Variants in RPSA2 observed in about 807,000 individuals in gnomAD.
RPSA2 encodes ribosomal protein SA 2, also known as small ribosomal subunit protein uS2B.
the RPSA2 span, among the ~76,000 whole-genome samples, chr19:23,810,421 GGGAAAA>G: frequency 0.015 from 40 of 2,680 alleles, 10 homozygotes; most frequent in South Asian, 0.056. Flanking sequence ...AAAAAAAAAA[GGGAAAA>G]GGGCTTGGAT....
the RPSA2 span, among the ~76,000 whole-genome samples, chr19:23,782,659 C>T: frequency 6.6e-6 from 1 of 152,100 alleles, no homozygotes; most frequent in Non-Finnish European, 1.5e-5. Flanking sequence ...GTTTGGGCCT[C>T]CCACCTAGAT....
At chr19:23,852,708 T>C in the RPSA2 span, among the ~76,000 whole-genome samples, 2 of 152,238 alleles carry the variant, frequency 1.3e-5, no homozygotes, top group East Asian at 3.9e-4. Context: ...ATGGACATGT[T>C]ATATTGCTGC....
chr19:23,796,254 A>G, the RPSA2 span, among the ~76,000 whole-genome samples: 149,005 of 152,336 alleles, frequency 0.98, 72,967 homozygotes, highest in Middle Eastern at 1. Context: ...TGTTTATGTG[A>G]TGAATCACAT....
the RPSA2 span, among the ~76,000 whole-genome samples, chr19:23,851,918 T>A: frequency 6.6e-6 from 1 of 152,226 alleles, no homozygotes; most frequent in Non-Finnish European, 1.5e-5. Context: ...GCCTGAACTT[T>A]GAGCCGATTT....
At chr19:23,784,038 T>C in the RPSA2 span, among the ~76,000 whole-genome samples, 148,950 of 152,282 alleles carry the variant, frequency 0.98, 72,939 homozygotes, top group Middle Eastern at 1. Context: ...GACTCTTGTG[T>C]TTGTTCTCTA....
At chr19:23,861,075 AC>A in the RPSA2 span, among the ~76,000 whole-genome samples, 1 of 152,206 alleles carries the variant, frequency 6.6e-6, no homozygotes, top group Non-Finnish European at 1.5e-5. Context: ...TTGATCTTGG[AC>A]AAATTTTTAG....
the RPSA2 span, among the ~76,000 whole-genome samples, chr19:23,855,958 G>GTC: frequency 6.6e-6 from 1 of 152,146 alleles, no homozygotes; most frequent in Non-Finnish European, 1.5e-5. Context: ...TGTCAGGGCC[G>GTC]TGAGAGCCAC....
chr19:23,844,509 GT>G, the RPSA2 span, among the ~76,000 whole-genome samples: 1 of 152,072 alleles, frequency 6.6e-6, no homozygotes, highest in Non-Finnish European at 1.5e-5. Flanking sequence ...GCTTAGTAAT[GT>G]TATTGGTCCA....
chr19:23,775,916 C>T, the RPSA2 span, among the ~76,000 whole-genome samples: 3 of 152,290 alleles, frequency 2.0e-5, no homozygotes, highest in East Asian at 5.8e-4. Context: ...CTGGTCTTTC[C>T]TGCAGGTGTG....
chr19:23,866,345 C>T, the RPSA2 span, among the ~76,000 whole-genome samples: 1 of 152,230 alleles, frequency 6.6e-6, no homozygotes, highest in Non-Finnish European at 1.5e-5. Context: ...AATGCAAATG[C>T]AGATTGCAAG....
chr19:23,761,936 G>C, the RPSA2 span, among the ~76,000 whole-genome samples: 20 of 4,300 alleles, frequency 4.7e-3, 1 homozygote, highest in African/African-American at 0.012. Context: ...TTTTTTTTTT[G>C]AGATGGAGTC....
the RPSA2 span, chr19:23,817,538 T>C: frequency 6.6e-6 from 1 of 152,232 alleles, no homozygotes; most frequent in Non-Finnish European, 1.5e-5. Flanking sequence ...TTACATTTAA[T>C]ATAGACTTTT....
At chr19:23,840,683 C>T in the RPSA2 span, among the ~76,000 whole-genome samples, 1 of 152,076 alleles carries the variant, frequency 6.6e-6, no homozygotes, top group Non-Finnish European at 1.5e-5. Flanking sequence ...ATGCGCTGGG[C>T]ACGGTGGCTG....
the RPSA2 span, among the ~76,000 whole-genome samples, chr19:23,769,654 T>C: frequency 6.6e-6 from 1 of 152,136 alleles, no homozygotes; most frequent in African/African-American, 2.4e-5. Context: ...GATGTGTCTC[T>C]TTTGTTTGGA....
the RPSA2 span, among the ~76,000 whole-genome samples, chr19:23,855,817 G>T: frequency 2.0e-5 from 3 of 152,180 alleles, no homozygotes; most frequent in Non-Finnish European, 4.4e-5. Flanking sequence ...AGCTGCAGTA[G>T]ATGGGGGATG....
the RPSA2 span, among the ~76,000 whole-genome samples, chr19:23,770,049 G>T: frequency 1.3e-5 from 2 of 152,144 alleles, no homozygotes; most frequent in Admixed American, 6.5e-5. Context: ...TGGGGTGTTT[G>T]TTACATATAG....
the RPSA2 span, among the ~76,000 whole-genome samples, chr19:23,841,643 C>G: frequency 6.6e-6 from 1 of 152,144 alleles, no homozygotes; most frequent in Admixed American, 6.6e-5. Flanking sequence ...GAAAAACACT[C>G]ATGGAATTGT....
chr19:23,840,346 A>T, the RPSA2 span, among the ~76,000 whole-genome samples: 1 of 152,180 alleles, frequency 6.6e-6, no homozygotes, highest in Non-Finnish European at 1.5e-5. Context: ...TATCACAAAT[A>T]GTACCTTGAA....
chr19:23,795,448 A>G, the RPSA2 span, among the ~76,000 whole-genome samples: 1 of 152,012 alleles, frequency 6.6e-6, no homozygotes, highest in Admixed American at 6.6e-5. Context: ...TGTTAATGGT[A>G]TTGTGTTTAT....
Sources: allele counts gnomAD v4.1 joint callset (sites outside exome capture counted in the v4.1 genomes callset), GRCh38; gene constraint gnomAD v4.1.1; transcripts MANE v1.5; gene names NCBI Gene and HGNC (gene_info 2026-07-23, HGNC 2026-07-21).